The following PIWIL1 variants were observed in gnomAD, a reference collection of about 807,000 sequenced individuals.
PIWIL1 encodes piwi-like protein 1.
PIWIL1 carries 73 observed loss-of-function variants against 114.4 expected under a neutral mutation model. The observed-to-expected ratio is 0.64, with a 90% confidence interval of 0.53 to 0.78. The LOEUF (loss-of-function observed/expected upper bound fraction) is 0.78. Ranked by LOEUF, PIWIL1 falls within the 30% of genes least tolerant of loss-of-function variation. The pLI, the probability that PIWIL1 is intolerant of heterozygous loss-of-function variation, is 0.00. For synonymous variants in PIWIL1, 375 were observed against 369.0 expected (o/e 1.02, Z -0.19); for missense variants, 723 against 1,063.1 (o/e 0.68, Z 4.45).
chr12:130,343,490 T>C (rs2072983032), intron 3 of PIWIL1, among the ~76,000 whole-genome samples: 1 of 152,194 alleles, frequency 6.6e-6, no homozygotes, highest in East Asian at 1.9e-4. Flanking sequence ...TGAGAATTGC[T>C]TGTCACGGTA....
chr12:130,407,971 A>G, the PIWIL1 span: 2 of 711,628 alleles, frequency 2.8e-6, no homozygotes, highest in Non-Finnish European at 5.0e-6. Flanking sequence ...GGGCACTCAC[A>G]TCAGCAAACG....
the PIWIL1 span, among the ~76,000 whole-genome samples, chr12:130,395,720 T>C: frequency 6.6e-6 from 1 of 152,190 alleles, no homozygotes; most frequent in Non-Finnish European, 1.5e-5. Context: ...CCTCTTTCTT[T>C]GAAAAGACAT....
chr12:130,396,649 T>A, the PIWIL1 span: 594 of 152,766 alleles, frequency 3.9e-3, 2 homozygotes, highest in Non-Finnish European at 6.3e-3. Flanking sequence ...GCAATGAAGA[T>A]AATCGGCTTT....
At chr12:130,412,755 G>C in the PIWIL1 span, 1 of 1,613,800 alleles carries the variant, frequency 6.2e-7, no homozygotes, top group Non-Finnish European at 8.5e-7. Flanking sequence ...TTTCCCCACG[G>C]TAGAATCCAT....
At chr12:130,365,397 T>TA (rs1424469209) in intron 18 of PIWIL1, among the ~76,000 whole-genome samples, 7 of 152,054 alleles carry the variant, frequency 4.6e-5, no homozygotes, top group Non-Finnish European at 8.8e-5. Flanking sequence ...CAGTATCCAG[T>TA]AAGTATTCAA....
At chr12:130,420,173 C>A in the PIWIL1 span, among the ~76,000 whole-genome samples, 1 of 152,152 alleles carries the variant, frequency 6.6e-6, no homozygotes, top group Admixed American at 6.5e-5. The surrounding 1 kb of genome is among the most constrained non-coding windows in gnomAD (Gnocchi z 4.3). Context: ...AGCTCTTTGC[C>A]GAGTCCTCCT....
chr12:130,339,890 T>TG (rs2072854666), intron 1 of PIWIL1, among the ~76,000 whole-genome samples: 1 of 152,228 alleles, frequency 6.6e-6, no homozygotes, highest in African/African-American at 2.4e-5. Flanking sequence ...ACTGACGTGC[T>TG]GCTTTAGGAA....
rs1001194770 is a variant in PIWIL1, at chr12:130,367,073, G to A, written c.2196-60G>A. On this transcript the variant is annotated intron_variant, in intron 18 of 20. Coordinates refer to ENST00000245255, the MANE Select transcript of PIWIL1 (RefSeq NM_004764.5). The stretch of plus-strand genomic sequence containing the variant: ...AAATGGAGCATGTGAACACCTGAAT[G>A]AATGAGTGCCCTGAAAATATGACTG... The A allele has an allele frequency of 3.1e-6, 5 of 1,596,826 alleles. No individual in the cohort carries two copies. The Admixed American group carries it at 5.0e-5, about 16-fold the overall frequency.
chr12:130,356,384 G>A (rs537817321), intron 12 of PIWIL1, among the ~76,000 whole-genome samples: 18 of 150,820 alleles, frequency 1.2e-4, no homozygotes, highest in East Asian at 3.9e-4. Flanking sequence ...CATTGTTTAC[G>A]CTATCCCCTG....
chr12:130,416,499 G>T, the PIWIL1 span, among the ~76,000 whole-genome samples: 1 of 152,210 alleles, frequency 6.6e-6, no homozygotes, highest in Non-Finnish European at 1.5e-5. Flanking sequence ...AATAAATGCT[G>T]CTGGGATAAC....
At chr12:130,425,955 G>C in the PIWIL1 span, 1 of 152,294 alleles carries the variant, frequency 6.6e-6, no homozygotes, top group East Asian at 1.9e-4. Flanking sequence ...GGAGGCATCG[G>C]GGCACACACT....
At chr12:130,378,273 G>A in the PIWIL1 span, among the ~76,000 whole-genome samples, 1 of 152,168 alleles carries the variant, frequency 6.6e-6, no homozygotes, top group Admixed American at 6.5e-5. Context: ...TGGTCTGCCT[G>A]GTGTTTTAAA....
rs2073169721 is a variant in PIWIL1, at chr12:130,349,922, G to C, written c.999G>C (p.Lys333Asn). The C allele has an allele frequency of 1.2e-6, 2 of 1,613,450 alleles. No individual in the cohort carries two copies. The highest frequency in any genetic ancestry group is 4.5e-5 in the East Asian group (2 of 44,834). Residue 333 changes from lysine to asparagine, a missense_variant, in exon 9 of 21, where the codon AAG becomes AAC. Transcript: ENST00000245255. Reference sequence around the variant, plus strand: ...ACCAGAATCCCAAGAGCACCTTTAAGAAAGCCGACGGCTCTGAAGTCAGCT... The same window carrying C: ...ACCAGAATCCCAAGAGCACCTTTAACAAAGCCGACGGCTCTGAAGTCAGCT... ...DWDQNPKSTF[K>N]KADGSEVSFL...
At chr12:130,339,220 C>T (rs1165955699) in intron 1 of PIWIL1, among the ~76,000 whole-genome samples, 1 of 152,084 alleles carries the variant, frequency 6.6e-6, no homozygotes, top group Non-Finnish European at 1.5e-5. Context: ...CTCGCGGGTG[C>T]TGGCGGCCCG....
rs2073831045 is a variant in PIWIL1 at position 130,372,246 on chromosome 12, A to G, written c.*648A>G. On this transcript the variant is annotated 3_prime_UTR_variant, in exon 21 of 21. Coordinates refer to ENST00000245255, the MANE Select transcript of PIWIL1 (RefSeq NM_004764.5). Reference sequence around the variant, plus strand: ...AAAAAGGCCATGAGTAAATCTCTATATTAACATTACTATTTATTTTGTTTT... The same window carrying G: ...AAAAAGGCCATGAGTAAATCTCTATGTTAACATTACTATTTATTTTGTTTT... The G allele has an allele frequency of 6.6e-6, 1 of 152,172 alleles. No homozygotes were observed. Among genetic ancestry groups the G allele is most frequent in the Admixed American group, 6.5e-5 (1 of 15,274 alleles). The allele number at this position is 152,172 out of a possible 1,614,324, so 9.4% of individuals were successfully genotyped here.
At chr12:130,400,561 C>T in the PIWIL1 span, among the ~76,000 whole-genome samples, 2 of 152,154 alleles carry the variant, frequency 1.3e-5, no homozygotes, top group African/African-American at 4.8e-5. Flanking sequence ...AGTGCCTAAA[C>T]CAAGTTCAAA....
At chr12:130,404,981 A>G in the PIWIL1 span, among the ~76,000 whole-genome samples, 2 of 152,134 alleles carry the variant, frequency 1.3e-5, no homozygotes, top group Non-Finnish European at 2.9e-5. Flanking sequence ...AGTGCAGATT[A>G]TTTAGTAAAT....
At chr12:130,406,715 C>T in the PIWIL1 span, among the ~76,000 whole-genome samples, 2 of 152,080 alleles carry the variant, frequency 1.3e-5, no homozygotes, top group African/African-American at 2.4e-5. Flanking sequence ...AGTGCAACCT[C>T]GGCCCACTGC....
chr12:130,355,527 C>T (rs762368530), intron 11 of PIWIL1, 26 bp from the exon 12 acceptor site: 9 of 1,468,344 alleles, frequency 6.1e-6, no homozygotes, highest in South Asian at 3.4e-5. Context: ...TTTGTTGAGT[C>T]GCATGTAAAT....
Sources: allele counts gnomAD v4.1 joint callset (sites outside exome capture counted in the v4.1 genomes callset), GRCh38; gene constraint gnomAD v4.1.1; non-coding constraint Gnocchi (gnomAD v3.1); transcripts MANE v1.5; gene names NCBI Gene and HGNC (gene_info 2026-07-23, HGNC 2026-07-21).